NCAM1: variants seen among roughly 807,000 people sequenced by gnomAD.
NCAM1 encodes the protein neural cell adhesion molecule 1, also known as antigen recognized by monoclonal antibody 5.1H11.
In NCAM1, 14 loss-of-function variants were observed where a neutral mutation model predicts 109.8. The ratio of observed to expected loss-of-function variants is 0.13; its 90% CI spans 0.08 to 0.20. The LOEUF (loss-of-function observed/expected upper bound fraction) is 0.20. NCAM1 is among the 10% of genes least tolerant of loss of function. The probability of loss-of-function intolerance (pLI) is 1.00; values close to 1 mark genes in which losing one functional copy is unlikely to be tolerated. For synonymous variants in NCAM1, 418 were observed against 442.9 expected (o/e 0.94, Z 0.70); for missense variants, 774 against 1,109.9 (o/e 0.70, Z 4.30).
At chr11:113,017,806 A>G (rs978909466) in intron 1 of NCAM1, among the ~76,000 whole-genome samples, 1 of 152,184 alleles carries the variant, frequency 6.6e-6, no homozygotes. Context: ...TACATATGTT[A>G]TATCATATCA....
At chr11:113,247,203 C>T (rs1945523426) in intron 15 of NCAM1, among the ~76,000 whole-genome samples, 1 of 152,204 alleles carries the variant, frequency 6.6e-6, no homozygotes, top group African/African-American at 2.4e-5. Flanking sequence ...AGCCTCTGCT[C>T]ACAGCTTCCC....
At chr11:112,978,229 A>C (rs1951057914) in intron 1 of NCAM1, among the ~76,000 whole-genome samples, 1 of 137,268 alleles carries the variant, frequency 7.3e-6, no homozygotes, top group South Asian at 2.9e-4. Flanking sequence ...GTTAAACATG[A>C]ACCAAAAAAT....
At chr11:113,227,469 C>T (rs559369536) in intron 9 of NCAM1, among the ~76,000 whole-genome samples, 1 of 152,238 alleles carries the variant, frequency 6.6e-6, no homozygotes, top group East Asian at 1.9e-4. Context: ...AAGTCCAGGA[C>T]CAGACAGATT....
At chr11:113,259,342 C>T (rs537682477) in intron 16 of NCAM1, among the ~76,000 whole-genome samples, 2 of 152,264 alleles carry the variant, frequency 1.3e-5, no homozygotes, top group African/African-American at 4.8e-5. Flanking sequence ...TGAGCCACCG[C>T]GCCCGGCCAT....
chr11:113,004,724 G>T (rs1951850367), intron 1 of NCAM1, among the ~76,000 whole-genome samples: 1 of 151,534 alleles, frequency 6.6e-6, no homozygotes, highest in African/African-American at 2.4e-5. Context: ...GGCTTGCTGT[G>T]GTCTCTTTGC....
At chr11:113,136,718 C>T (rs1555099542) in intron 1 of NCAM1, among the ~76,000 whole-genome samples, 1 of 151,968 alleles carries the variant, frequency 6.6e-6, no homozygotes, top group Non-Finnish European at 1.5e-5. Flanking sequence ...CAGGAATTGG[C>T]TTGAGGGGTT....
At chr11:113,258,485 G>C (rs924885872) in intron 16 of NCAM1, among the ~76,000 whole-genome samples, 40 of 152,324 alleles carry the variant, frequency 2.6e-4, no homozygotes, top group African/African-American at 8.9e-4. Context: ...CCCTACTATA[G>C]AAGGGAAAGA....
chr11:113,064,628 C>T (rs781919482), intron 1 of NCAM1, among the ~76,000 whole-genome samples: 4 of 152,032 alleles, frequency 2.6e-5, no homozygotes, highest in Non-Finnish European at 5.9e-5. Context: ...TCATTACTGT[C>T]CCCATTTTTT....
intron 1 of NCAM1, among the ~76,000 whole-genome samples, chr11:113,032,854 CAG>C (rs765691060): frequency 3.3e-5 from 5 of 152,168 alleles, no homozygotes; most frequent in African/African-American, 4.8e-5. Context: ...GATATTTCAA[CAG>C]AGTCTTTTCC....
chr11:113,198,242 T>C (rs1943915594), intron 1 of NCAM1, among the ~76,000 whole-genome samples: 1 of 152,214 alleles, frequency 6.6e-6, no homozygotes, highest in Non-Finnish European at 1.5e-5. Context: ...CCTATCATTA[T>C]CATCACTTAT....
intron 6 of NCAM1, 102 bp from the exon 7 acceptor site, chr11:113,207,731 C>G (rs1170149733): frequency 1.6e-6 from 2 of 1,283,414 alleles, no homozygotes; most frequent in African/African-American, 1.5e-5. Flanking sequence ...ACTGAGGAGT[C>G]TTTCCCATTG....
chr11:113,011,045 C>A lies in NCAM1; in HGVS notation c.52+49381C>A, dbSNP rs576748136. Among the ~76,000 whole-genome samples the A allele has an allele frequency of 1.3e-4, 20 of 150,712 alleles. No homozygotes were observed. The South Asian group carries it at 4.0e-3, about 30-fold the overall frequency. Reference sequence around the variant, plus strand: ...GTTACATATGTATACATGTGCCATGCTGGTGCGCTGCACCCACTAACTCGT... The same window carrying A: ...GTTACATATGTATACATGTGCCATGATGGTGCGCTGCACCCACTAACTCGT... On this transcript the variant is annotated intron_variant, in intron 1 of 19. Coordinates refer to ENST00000316851, the MANE Select transcript of NCAM1 (RefSeq NM_181351.5).
At chr11:113,232,589 G>C in intron 11 of NCAM1, 129 bp from the exon 12 acceptor site, 1 of 850,096 alleles carries the variant, frequency 1.2e-6, no homozygotes, top group Non-Finnish European at 1.9e-6. Flanking sequence ...CTTGTTTAAG[G>C]CTGGGCTGGA....
chr11:113,150,320 TTGTC>T (rs1942179686), intron 1 of NCAM1, among the ~76,000 whole-genome samples: 1 of 152,188 alleles, frequency 6.6e-6, no homozygotes, highest in Admixed American at 6.5e-5. Context: ...ATTAATTTAT[TTGTC>T]TGAGGCAAAG....
intron 1 of NCAM1, among the ~76,000 whole-genome samples, chr11:113,010,903 G>C (rs17584302): frequency 0.037 from 5,636 of 152,184 alleles, 143 homozygotes; most frequent in Non-Finnish European, 0.06. Flanking sequence ...ATAAGATCAG[G>C]AGTCACTGAA....
intron 1 of NCAM1, among the ~76,000 whole-genome samples, chr11:112,961,871 G>C (rs757007737): frequency 3.9e-5 from 6 of 152,040 alleles, no homozygotes; most frequent in Non-Finnish European, 8.8e-5. Context: ...CTGCCTCCCC[G>C]AGCCGCCAGC....
chr11:113,084,905 C>G (rs1939008752), intron 1 of NCAM1, among the ~76,000 whole-genome samples: 1 of 152,202 alleles, frequency 6.6e-6, no homozygotes, highest in South Asian at 2.1e-4. Context: ...GGAACAGTTG[C>G]TGACACATAG....
At chr11:113,169,485 A>G (rs1472174230) in intron 1 of NCAM1, among the ~76,000 whole-genome samples, 1 of 152,162 alleles carries the variant, frequency 6.6e-6, no homozygotes, top group Non-Finnish European at 1.5e-5. Flanking sequence ...GAGATAATAC[A>G]TATTATCACT....
intron 1 of NCAM1, among the ~76,000 whole-genome samples, chr11:113,082,868 G>T (rs1161031911): frequency 1.3e-5 from 2 of 152,172 alleles, no homozygotes; most frequent in African/African-American, 2.4e-5. Context: ...TGAGCAAGGT[G>T]CCTCTTGCGT....
Sources: allele counts gnomAD v4.1 joint callset (sites outside exome capture counted in the v4.1 genomes callset), GRCh38; gene constraint gnomAD v4.1.1; transcripts MANE v1.5; gene names NCBI Gene and HGNC (gene_info 2026-07-23, HGNC 2026-07-21).